The following SPAG16 variants were observed in gnomAD, a reference collection of about 807,000 sequenced individuals.
The protein encoded by SPAG16 is sperm associated antigen 16, also known as sperm-associated antigen 16 protein.
A neutral mutation model predicts 80.4 loss-of-function variants in SPAG16; 86 were observed. The observed-to-expected ratio is 1.07, with a 90% CI of 0.90 to 1.28. The LOEUF (loss-of-function observed/expected upper bound fraction) is 1.28, where lower values mean the gene tolerates loss of function less well. Ranked by LOEUF, SPAG16 falls within the 50% of genes most tolerant of loss-of-function variation. The pLI, the probability that SPAG16 is intolerant of heterozygous loss-of-function variation, is 0.00. For missense variants in SPAG16, 870 were observed against 765.3 expected (o/e 1.14, Z -1.61); for synonymous variants, 294 against 265.9 (o/e 1.11, Z -1.03).
intron 15 of SPAG16, among the ~76,000 whole-genome samples, chr2:214,314,950 A>C (rs1695576894): frequency 6.7e-6 from 1 of 148,490 alleles, no homozygotes. Flanking sequence ...AACCAATATG[A>C]TACTGTATTA....
At chr2:213,408,183 A>C (rs2125380255) in intron 9 of SPAG16, among the ~76,000 whole-genome samples, 1 of 152,336 alleles carries the variant, frequency 6.6e-6, no homozygotes, top group East Asian at 1.9e-4. Context: ...AAAACCTATA[A>C]TTGATAATTG....
intron 15 of SPAG16, among the ~76,000 whole-genome samples, chr2:214,302,130 A>G (rs972923270): frequency 6.6e-5 from 10 of 152,088 alleles, no homozygotes; most frequent in Non-Finnish European, 7.4e-5. Flanking sequence ...TTATTCCACT[A>G]TGTTCCCAGA....
chr2:214,097,560 C>T (rs2052675686), intron 13 of SPAG16, among the ~76,000 whole-genome samples: 1 of 152,058 alleles, frequency 6.6e-6, no homozygotes, highest in Non-Finnish European at 1.5e-5. Context: ...CCTTTTATAA[C>T]ATCAAAAATC....
At chr2:213,302,160 G>A (rs1033732383) in intron 3 of SPAG16, among the ~76,000 whole-genome samples, 2 of 152,138 alleles carry the variant, frequency 1.3e-5, no homozygotes, top group Non-Finnish European at 2.9e-5. Flanking sequence ...TGGGTCACAT[G>A]TGGCTAGAGT....
At chr2:214,230,095 T>G (rs1303345921) in intron 15 of SPAG16, among the ~76,000 whole-genome samples, 1 of 151,916 alleles carries the variant, frequency 6.6e-6, no homozygotes, top group African/African-American at 2.4e-5. Context: ...TGTGAAGCAA[T>G]GAAAATAAAA....
At chr2:214,177,916 C>CACATATAT (rs1553519943) in intron 15 of SPAG16, among the ~76,000 whole-genome samples, 3 of 92,200 alleles carry the variant, frequency 3.3e-5, no homozygotes, top group Admixed American at 2.4e-4. Context: ...TATATATATA[C>CACATATAT]ATATATATAT....
intron 10 of SPAG16, among the ~76,000 whole-genome samples, chr2:213,724,229 G>A (rs2066653832): frequency 6.6e-6 from 1 of 152,304 alleles, no homozygotes; most frequent in East Asian, 1.9e-4. Context: ...AAATGGAGAT[G>A]CAATGACTAG....
chr2:214,240,122 A>G (rs1689363592), intron 15 of SPAG16: 1 of 152,192 alleles, frequency 6.6e-6, no homozygotes, highest in Non-Finnish European at 1.5e-5. Context: ...AGGAACACAC[A>G]TGGGTCTCAT....
intron 10 of SPAG16, among the ~76,000 whole-genome samples, chr2:213,585,082 A>T (rs897634843): frequency 6.6e-6 from 1 of 151,318 alleles, no homozygotes; most frequent in Non-Finnish European, 1.5e-5. Context: ...CCAGCTGCTC[A>T]GGAGGCTGAG....
chr2:213,538,608 T>G (rs1334881837), intron 10 of SPAG16, among the ~76,000 whole-genome samples: 1 of 152,150 alleles, frequency 6.6e-6, no homozygotes, highest in African/African-American at 2.4e-5. Context: ...ATGTGGAGAA[T>G]GTCTGCATCA....
intron 12 of SPAG16, among the ~76,000 whole-genome samples, chr2:213,969,418 C>G (rs1028718838): frequency 3.3e-5 from 5 of 152,076 alleles, no homozygotes; most frequent in African/African-American, 9.7e-5. Context: ...GATATTGAAA[C>G]GTAGTCCCAA....
chr2:214,118,650 A>T (rs2054063024), intron 14 of SPAG16, among the ~76,000 whole-genome samples: 1 of 152,128 alleles, frequency 6.6e-6, no homozygotes, highest in Non-Finnish European at 1.5e-5. Flanking sequence ...CAAGAATAGC[A>T]TGAGGGTAAC....
At chr2:213,396,821 C>T (rs1477212836) in intron 9 of SPAG16, 1 of 255,526 alleles carries the variant, frequency 3.9e-6, no homozygotes, top group Non-Finnish European at 8.1e-6. Flanking sequence ...GTGTTCTTTA[C>T]AGTCTTCATA....
rs2066117546 is a variant in SPAG16 at position 213,363,621 on chromosome 2, A to G, written c.763-455A>G. Among the ~76,000 whole-genome samples, 3 of 152,230 alleles carry G rather than the reference A, an allele frequency of 2.0e-5. No individual in the cohort carries two copies. The South Asian group carries it at 6.2e-4, about 32-fold the overall frequency. On this transcript the variant is annotated intron_variant, in intron 7 of 15. Transcript: ENST00000331683. The stretch of plus-strand genomic sequence containing the variant: ...AGACATGTTTAATAAAATAGAGAAT[A>G]TATGTGGGTGGAAAATGAGCTAAGA...
At chr2:214,082,394 C>T (rs1200121218) in intron 13 of SPAG16, among the ~76,000 whole-genome samples, 1 of 152,174 alleles carries the variant, frequency 6.6e-6, no homozygotes, top group African/African-American at 2.4e-5. Context: ...CTTACTGTCT[C>T]ATGACTTTTG....
intron 10 of SPAG16, among the ~76,000 whole-genome samples, chr2:213,516,738 C>CA (rs1391314194): frequency 6.6e-6 from 1 of 152,042 alleles, no homozygotes; most frequent in South Asian, 2.1e-4. Flanking sequence ...AAATGAATGT[C>CA]AAAAAATCTC....
chr2:214,307,033 A>G (rs182681450), intron 15 of SPAG16, among the ~76,000 whole-genome samples: 1 of 151,820 alleles, frequency 6.6e-6, no homozygotes, highest in Admixed American at 6.6e-5. Flanking sequence ...TTTGGTTAGT[A>G]GGTTATTTAT....
chr2:214,108,069 A>G, intron 13 of SPAG16, 127 bp from the exon 14 acceptor site: 3 of 641,508 alleles, frequency 4.7e-6, no homozygotes, highest in Admixed American at 2.9e-5. Context: ...AGAATTTTCT[A>G]TGGTGAGAAT....
chr2:213,449,063 C>T (rs1446589717), intron 9 of SPAG16, among the ~76,000 whole-genome samples: 5 of 151,886 alleles, frequency 3.3e-5, no homozygotes, highest in Non-Finnish European at 5.9e-5. Flanking sequence ...ATATTAATAC[C>T]CTGGGAAACG....
Sources: allele counts gnomAD v4.1 joint callset (sites outside exome capture counted in the v4.1 genomes callset), GRCh38; gene constraint gnomAD v4.1.1; transcripts MANE v1.5; gene names NCBI Gene and HGNC (gene_info 2026-07-23, HGNC 2026-07-21).